The following ABL2 variants were observed in gnomAD, a reference collection of about 807,000 sequenced individuals.
ABL2 encodes the protein tyrosine-protein kinase ABL2.
Under a neutral mutation model 107.7 loss-of-function variants are expected in ABL2, and 49 were observed. The observed-to-expected ratio is 0.45, with a 90% confidence interval of 0.36 to 0.58. The LOEUF (loss-of-function observed/expected upper bound fraction) is 0.58, where lower values mean the gene tolerates loss of function less well. ABL2 is among the 20% of genes least tolerant of loss of function. The pLI, the probability that ABL2 is intolerant of heterozygous loss-of-function variation, is 0.00. For missense variants in ABL2, 1,245 were observed against 1,457.0 expected (o/e 0.85, Z 2.37); for synonymous variants, 549 against 548.6 (o/e 1.00, Z -0.01).
At chr1:179,121,209 C>CAAGA (rs1356467869) in intron 5 of ABL2, among the ~76,000 whole-genome samples, 2 of 152,138 alleles carry the variant, frequency 1.3e-5, no homozygotes, top group Non-Finnish European at 2.9e-5. Flanking sequence ...ACAGGAGGAA[C>CAAGA]AAGAACAAGG....
intron 1 of ABL2, among the ~76,000 whole-genome samples, chr1:179,183,540 A>G (rs965056518): frequency 1.1e-4 from 17 of 152,194 alleles, no homozygotes; most frequent in African/African-American, 4.1e-4. Flanking sequence ...ACAAAGCAAC[A>G]ATCTAACAAA....
chr1:179,154,126 T>C (rs1285683276), intron 1 of ABL2, among the ~76,000 whole-genome samples: 2 of 152,274 alleles, frequency 1.3e-5, no homozygotes, highest in South Asian at 2.1e-4. Flanking sequence ...AGCTCCTCAT[T>C]ATTTCCTTGC....
Position 179,121,652 on chromosome 1 carries a change from C to G in ABL2, c.903G>C (p.Glu301Asp). Residue 301 changes from glutamate (E) to aspartate (D), a missense_variant, in exon 5 of 12, where the codon GAG becomes GAC. Around this residue, in one of 3 missense-constraint regions of ABL2, gnomAD observed 320 missense variants for 547.0 expected, o/e 0.59. Transcript: ENST00000502732. Reference sequence around the variant, plus strand: ...ATTTCTTCCAGACGCCAACGTAAACCTCTCCATACTGACCGCCCCCAAGTT... The same window carrying G: ...ATTTCTTCCAGACGCCAACGTAAACGTCTCCATACTGACCGCCCCCAAGTT... ...KHKLGGGQYG[E>D]VYVGVWKKYS... is the part of the protein sequence containing the mutation. 6.2e-7 allele frequency: 1 copy of G among 1,614,198 alleles called. No individual in the cohort carries two copies. Among genetic ancestry groups the G allele is most frequent in the Non-Finnish European group, 8.5e-7 (1 of 1,180,038 alleles).
At chr1:179,178,822 G>A (rs957383706) in intron 1 of ABL2, among the ~76,000 whole-genome samples, 5 of 152,034 alleles carry the variant, frequency 3.3e-5, no homozygotes, top group African/African-American at 1.2e-4. Flanking sequence ...GCTTGAACCC[G>A]GGATGTGGAG....
chr1:179,128,075 T>C (rs1236566291), intron 3 of ABL2, among the ~76,000 whole-genome samples: 1 of 150,426 alleles, frequency 6.6e-6, no homozygotes, highest in Non-Finnish European at 1.5e-5. Flanking sequence ...CAGGCAAAAG[T>C]TTTTAGGAGA....
intron 1 of ABL2, among the ~76,000 whole-genome samples, chr1:179,180,196 C>T (rs929459365): frequency 2.6e-5 from 4 of 152,062 alleles, no homozygotes; most frequent in South Asian, 2.1e-4. Context: ...TATTTACAGG[C>T]CCACCTGTAC....
chr1:179,170,673 C>T (rs959201015), intron 1 of ABL2, among the ~76,000 whole-genome samples: 1 of 152,192 alleles, frequency 6.6e-6, no homozygotes, highest in African/African-American at 2.4e-5. Context: ...CAGGTCACCG[C>T]AACCTCCACC....
At chr1:179,121,540 G>C in intron 5 of ABL2, 55 bp downstream of exon 5, 3 of 1,573,630 alleles carry the variant, frequency 1.9e-6, no homozygotes. Context: ...ATATTTCCAA[G>C]TGATTGAGCA....
chr1:179,183,041 G>GTC (rs1385635761), intron 1 of ABL2, among the ~76,000 whole-genome samples: 1 of 152,030 alleles, frequency 6.6e-6, no homozygotes, highest in Non-Finnish European at 1.5e-5. Flanking sequence ...TTGAGACAGT[G>GTC]TCTCACTCTG....
chr1:179,141,156 TA>T (rs1323172862), intron 1 of ABL2, among the ~76,000 whole-genome samples: 6 of 148,382 alleles, frequency 4.0e-5, no homozygotes, highest in Non-Finnish European at 7.4e-5. Context: ...TGGCTGGGCA[TA>T]GTGGCACACA....
intron 1 of ABL2, among the ~76,000 whole-genome samples, chr1:179,151,194 G>C (rs1425362509): frequency 2.6e-5 from 4 of 152,094 alleles, no homozygotes; most frequent in Non-Finnish European, 5.9e-5. Flanking sequence ...TATGACTATA[G>C]TTAAAGAGGA....
Position 179,108,417 on chromosome 1 carries a change from G to A in ABL2, c.2850C>T (p.Gly950=), listed in dbSNP as rs376574195. The A allele has an allele frequency of 1.3e-5, 21 of 1,614,114 alleles. No homozygotes were observed. The highest frequency in any genetic ancestry group is 1.6e-4 in the Middle Eastern group (1 of 6,084). The change falls in exon 12 of 12, where the codon GGC becomes GGT. Residue 950 remains glycine, a synonymous_variant. Transcript: ENST00000502732. The part of the protein sequence containing the change: ...KHTPADVQLI[G]TDSQGNKFKL... The stretch of plus-strand genomic sequence containing the variant: ...TGAATTTATTCCCCTGAGAGTCTGT[G>A]CCAATGAGCTGCACGTCAGCTGGAG...
At chr1:179,227,782 G>C (rs1042209152) in intron 1 of ABL2, among the ~76,000 whole-genome samples, 1 of 152,206 alleles carries the variant, frequency 6.6e-6, no homozygotes, top group Admixed American at 6.5e-5. Context: ...GCCAGGCGCA[G>C]TGCCTCACGC....
intron 1 of ABL2, among the ~76,000 whole-genome samples, chr1:179,155,406 G>A (rs1658622254): frequency 6.6e-6 from 1 of 152,160 alleles, no homozygotes; most frequent in African/African-American, 2.4e-5. Context: ...CAAAGTGAAT[G>A]CACAATGACT....
intron 5 of ABL2, among the ~76,000 whole-genome samples, chr1:179,120,864 G>A (rs539680728): frequency 1.3e-5 from 2 of 152,170 alleles, no homozygotes; most frequent in Non-Finnish European, 2.9e-5. Flanking sequence ...TTCTCTCATA[G>A]TTTACTTCTC....
chr1:179,194,654 G>T (rs1015333909), intron 1 of ABL2, among the ~76,000 whole-genome samples: 1 of 152,210 alleles, frequency 6.6e-6, no homozygotes, highest in Non-Finnish European at 1.5e-5. Context: ...CTGGAACCTT[G>T]TGAGAGACCC....
intron 1 of ABL2, among the ~76,000 whole-genome samples, chr1:179,200,292 C>T (rs1301692414): frequency 6.6e-6 from 1 of 152,104 alleles, no homozygotes; most frequent in Non-Finnish European, 1.5e-5. Flanking sequence ...GGTGATCTGC[C>T]TGCCTCAGCC....
intron 1 of ABL2, among the ~76,000 whole-genome samples, chr1:179,156,683 C>T (rs1658708164): frequency 6.6e-6 from 1 of 152,022 alleles, no homozygotes; most frequent in Non-Finnish European, 1.5e-5. Flanking sequence ...AAAGACCATC[C>T]TGGTCAACTT....
chr1:179,136,741 T>TAAAA (rs529807975), intron 1 of ABL2, among the ~76,000 whole-genome samples: 8 of 124,310 alleles, frequency 6.4e-5, no homozygotes, highest in East Asian at 2.3e-4. Flanking sequence ...AATAAATAAA[T>TAAAA]AAAAATAAAA....
Sources: allele counts gnomAD v4.1 joint callset (sites outside exome capture counted in the v4.1 genomes callset), GRCh38; gene constraint gnomAD v4.1.1; regional missense constraint gnomAD v4.1.1; transcripts MANE v1.5; gene names NCBI Gene and HGNC (gene_info 2026-07-23, HGNC 2026-07-21).